IL1RAPL2: variants seen among roughly 807,000 people sequenced by gnomAD.
IL1RAPL2 encodes the protein X-linked interleukin-1 receptor accessory protein-like 2.
IL1RAPL2 carries 3 observed loss-of-function variants against 44.1 expected under a neutral mutation model. The observed-to-expected ratio is 0.07, with a 90% confidence interval of 0.03 to 0.18. The LOEUF is 0.18. IL1RAPL2 is among the 10% of genes least tolerant of loss of function. The pLI, the probability that IL1RAPL2 is intolerant of heterozygous loss-of-function variation, is 1.00. For synonymous variants in IL1RAPL2, 181 were observed against 178.8 expected (o/e 1.01, Z -0.10); for missense variants, 391 against 496.4 (o/e 0.79, Z 2.02).
rs528232183 is a variant in IL1RAPL2, at chrX:105,320,178, G to A, written c.697+52637G>A. On this transcript the variant is annotated intron_variant, in intron 5 of 10. Coordinates refer to ENST00000372582, the MANE Select transcript of IL1RAPL2 (RefSeq NM_017416.2). ...CAGTATTTGATGAGGAAGATTGGGGGTACTGGGCTGGGCAGCTACGATAGA... is the reference window on the plus strand; with the variant it reads ...CAGTATTTGATGAGGAAGATTGGGGATACTGGGCTGGGCAGCTACGATAGA... Among the ~76,000 whole-genome samples, 8 of 111,609 alleles carry A rather than the reference G, an allele frequency of 7.2e-5. No individual in the cohort carries two copies. In the South Asian group the frequency reaches 2.6e-3, roughly 37 times the overall value.
chrX:104,893,461 C>G (rs966077758), intron 2 of IL1RAPL2, among the ~76,000 whole-genome samples: 1 of 111,503 alleles, frequency 9.0e-6, no homozygotes, highest in Non-Finnish European at 1.9e-5. Flanking sequence ...CTTTATGAAT[C>G]TGGGTGCTCC....
At chrX:105,118,580 C>T (rs182871746) in intron 2 of IL1RAPL2, among the ~76,000 whole-genome samples, 15 of 111,656 alleles carry the variant, frequency 1.3e-4, no homozygotes, top group Non-Finnish European at 2.3e-4. Flanking sequence ...TTTAGGAATA[C>T]CAAACTAGCA....
rs192550686 is a variant in IL1RAPL2 at position 104,862,662 on chromosome X, G to A, written c.82+203667G>A. Among the ~76,000 whole-genome samples the A allele has an allele frequency of 6.3e-4, 70 of 111,525 alleles. 1 individual carries two copies. Among genetic ancestry groups the A allele is most frequent in the East Asian group, 5.6e-4 (2 of 3,565 alleles). On this transcript the variant is annotated intron_variant, in intron 2 of 10. Coordinates refer to ENST00000372582, the MANE Select transcript of IL1RAPL2 (RefSeq NM_017416.2). Reference sequence around the variant, plus strand: ...TAAGCCACTCAGTTATCAGTACTTCGTTATGGTGACCCTAACAAATTAGTA... The same window carrying A: ...TAAGCCACTCAGTTATCAGTACTTCATTATGGTGACCCTAACAAATTAGTA...
chrX:104,594,718 C>A (rs972614766), intron 1 of IL1RAPL2, among the ~76,000 whole-genome samples: 1 of 111,319 alleles, frequency 9.0e-6, no homozygotes, highest in African/African-American at 3.3e-5. Flanking sequence ...GGGACAGCTA[C>A]CAACTTTAGA....
At chrX:105,479,503 G>C (rs1196038330) in intron 5 of IL1RAPL2, among the ~76,000 whole-genome samples, 2 of 110,494 alleles carry the variant, frequency 1.8e-5, no homozygotes, top group East Asian at 5.7e-4. Context: ...ACTTTGGAAG[G>C]CCGAGGCGGG....
chrX:104,940,370 C>A (rs1341752360), intron 2 of IL1RAPL2, among the ~76,000 whole-genome samples: 1 of 111,333 alleles, frequency 9.0e-6, no homozygotes, highest in African/African-American at 3.3e-5. Context: ...TTCAAGTGAC[C>A]TGTTTTGGAG....
At chrX:104,872,012 C>G (rs776256388) in intron 2 of IL1RAPL2, among the ~76,000 whole-genome samples, 47 of 111,445 alleles carry the variant, frequency 4.2e-4, no homozygotes, top group Middle Eastern at 4.6e-3. Context: ...TGTTGAGAAG[C>G]CTTGTATAGT....
At chrX:105,062,698 A>G (rs772974198) in intron 2 of IL1RAPL2, among the ~76,000 whole-genome samples, 1 of 111,439 alleles carries the variant, frequency 9.0e-6, no homozygotes, top group Admixed American at 9.6e-5. Context: ...GTTTCACCAG[A>G]TATACTATTC....
chrX:104,625,707 G>A (rs1694530026), intron 1 of IL1RAPL2, among the ~76,000 whole-genome samples: 1 of 111,046 alleles, frequency 9.0e-6, no homozygotes, highest in Non-Finnish European at 1.9e-5. Context: ...ATAGAGGGGT[G>A]GACCAGTAAA....
chrX:105,249,116 G>C (rs925492046), intron 4 of IL1RAPL2, among the ~76,000 whole-genome samples: 1 of 111,305 alleles, frequency 9.0e-6, no homozygotes, highest in Non-Finnish European at 1.9e-5. Context: ...ACAGATGAAT[G>C]GATAAAGAAA....
chrX:105,238,538 T>C (rs782625254), intron 4 of IL1RAPL2, among the ~76,000 whole-genome samples: 1 of 110,604 alleles, frequency 9.0e-6, no homozygotes, highest in East Asian at 2.9e-4. Context: ...GATAACTTCT[T>C]AGTCTGGAAC....
intron 6 of IL1RAPL2, among the ~76,000 whole-genome samples, chrX:105,696,997 C>T (rs962179877): frequency 9.1e-6 from 1 of 110,458 alleles, no homozygotes; most frequent in Admixed American, 9.6e-5. Flanking sequence ...AGCTTTTACT[C>T]ATGGAGGAAG....
intron 2 of IL1RAPL2, among the ~76,000 whole-genome samples, chrX:105,013,410 G>C (rs1369191836): frequency 9.0e-6 from 1 of 110,724 alleles, no homozygotes; most frequent in South Asian, 3.8e-4. Flanking sequence ...ACAAGTACTA[G>C]AGAGGGATGT....
chrX:104,910,218 A>ACGGTG (rs1169179897), intron 2 of IL1RAPL2, among the ~76,000 whole-genome samples: 2 of 111,758 alleles, frequency 1.8e-5, no homozygotes, highest in Non-Finnish European at 3.8e-5. Flanking sequence ...CGGCTCGCTC[A>ACGGTG]CGGTGCGCGC....
rs751970567 is a variant in IL1RAPL2 at position 105,767,533 on chromosome X, C to T, written c.1933C>T (p.Pro645Ser). The T allele has an allele frequency of 8.3e-7, 1 of 1,210,047 alleles. No homozygotes were observed. Among genetic ancestry groups the T allele is most frequent in the Non-Finnish European group, 1.1e-6 (1 of 894,054 alleles). Residue 645 changes from proline to serine, a missense_variant, in exon 11 of 11, where the codon CCT becomes TCT. Coordinates refer to ENST00000372582, the MANE Select transcript of IL1RAPL2 (RefSeq NM_017416.2). ...CAACCACCATACTTATTGTAACCTG[C>T]CTCTGACGCTACTCAACGGACAGCT... ...LGNHHTYCNL[P>S]LTLLNGQLPL...
intron 2 of IL1RAPL2, among the ~76,000 whole-genome samples, chrX:105,083,776 G>A (rs1602945681): frequency 1.8e-5 from 2 of 112,074 alleles, no homozygotes; most frequent in African/African-American, 6.5e-5. Context: ...CTGAGATTTT[G>A]TCCCCACCAG....
intron 2 of IL1RAPL2, among the ~76,000 whole-genome samples, chrX:104,672,487 A>T (rs1274985144): frequency 2.8e-5 from 3 of 107,521 alleles, no homozygotes; most frequent in African/African-American, 1.0e-4. Flanking sequence ...TTCTTAATCC[A>T]GTCTATCATT....
rs187412960 is a variant in IL1RAPL2 at position 104,873,747 on chromosome X, T to A, written c.82+214752T>A. 4.5e-5 allele frequency among the ~76,000 whole-genome samples: 5 copies of A among 111,667 alleles called. No homozygotes were observed. The East Asian group carries it at 1.4e-3, about 32-fold the overall frequency. On this transcript the variant is annotated intron_variant, in intron 2 of 10. Transcript: ENST00000372582. ...AAAAAGAGGTAGAAGTATATAATCC[T>A]CCTGTAGGAAGGGACAGTGAATATT...
intron 3 of IL1RAPL2, among the ~76,000 whole-genome samples, chrX:105,232,990 T>G (rs1490871744): frequency 8.9e-6 from 1 of 112,155 alleles, no homozygotes; most frequent in Non-Finnish European, 1.9e-5. Flanking sequence ...GTGAGTACCT[T>G]AAAAAGCTGA....
Sources: allele counts gnomAD v4.1 joint callset (sites outside exome capture counted in the v4.1 genomes callset), GRCh38; gene constraint gnomAD v4.1.1; transcripts MANE v1.5; gene names NCBI Gene and HGNC (gene_info 2026-07-23, HGNC 2026-07-21).